KATNAL2: variants seen among roughly 807,000 people sequenced by gnomAD.
KATNAL2 encodes katanin catalytic subunit A1 like 2, also known as katanin p60 ATPase-containing subunit A-like 2.
Under a neutral mutation model 76.3 loss-of-function variants are expected in KATNAL2, and 52 were observed. The ratio of observed to expected loss-of-function variants is 0.68; its 90% CI spans 0.55 to 0.86. The LOEUF (loss-of-function observed/expected upper bound fraction) is 0.86, where lower values mean the gene tolerates loss of function less well. Ranked by LOEUF, KATNAL2 falls within the 40% of genes least tolerant of loss-of-function variation. The pLI is 0.00. For synonymous variants in KATNAL2, 243 were observed against 244.2 expected, an observed-to-expected ratio of 1.00 and a Z score of 0.05; for missense variants, 660 against 668.9, an observed-to-expected ratio of 0.99 and a Z score of 0.15.
Position 47,058,445 on chromosome 18 carries a change from T to G in KATNAL2, c.450+93T>G, listed in dbSNP as rs367973306. The G allele has an allele frequency of 5.4e-6, 4 of 737,208 alleles. No homozygotes were observed. The African/African-American group carries it at 7.1e-5, about 13-fold the overall frequency. The allele number at this position is 737,208 out of a possible 1,614,324, so 45.7% of individuals were successfully genotyped here. A position where few individuals can be genotyped will look rare whatever the true frequency, so the allele number is the denominator to read the frequency against. ...CACATTTATTTATTTTTTGAGGACC[T>G]ACGCTTTTAAAATTGCTGTGTGATC... On this transcript the variant is annotated intron_variant, in intron 7 of 17. Transcript: ENST00000683218.
intron 15 of KATNAL2, among the ~76,000 whole-genome samples, chr18:47,093,561 T>A (rs919451271): frequency 1.3e-5 from 2 of 152,096 alleles, no homozygotes; most frequent in African/African-American, 4.8e-5. Context: ...AGACAGGGCC[T>A]GGCTCTGTCA....
chr18:47,090,162 A>G (rs1174800285), intron 15 of KATNAL2, among the ~76,000 whole-genome samples: 1 of 151,986 alleles, frequency 6.6e-6, no homozygotes, highest in Admixed American at 6.6e-5. Context: ...GCTACAGTAC[A>G]GTGGCATGAT....
chr18:46,960,748 C>A (rs2059913264), intron 3 of KATNAL2, among the ~76,000 whole-genome samples: 1 of 152,142 alleles, frequency 6.6e-6, no homozygotes, highest in South Asian at 2.1e-4. Context: ...CAGGCACAGC[C>A]TAGAATAAAG....
intron 3 of KATNAL2, chr18:47,033,139 C>A (rs759800111): frequency 1.9e-6 from 3 of 1,613,936 alleles, no homozygotes; most frequent in Non-Finnish European, 2.5e-6. Flanking sequence ...GGGGTTGGCC[C>A]GCTTCTCAGG....
intron 15 of KATNAL2, among the ~76,000 whole-genome samples, chr18:47,092,178 T>C (rs2063029268): frequency 6.6e-6 from 1 of 152,088 alleles, no homozygotes; most frequent in South Asian, 2.1e-4. Context: ...TCCTAAAATA[T>C]AAATGTAATG....
chr18:47,067,855 A>G (rs1423095873), intron 11 of KATNAL2, among the ~76,000 whole-genome samples: 1 of 152,148 alleles, frequency 6.6e-6, no homozygotes, highest in Non-Finnish European at 1.5e-5. Context: ...TCCACGTGGT[A>G]TTCTTGGCTG....
intron 3 of KATNAL2, among the ~76,000 whole-genome samples, chr18:47,042,015 G>A (rs1034414222): frequency 1.3e-5 from 2 of 151,966 alleles, no homozygotes; most frequent in Middle Eastern, 3.4e-3. Context: ...TGAAGTGTCA[G>A]TTCATGTGTT....
intron 1 of KATNAL2, among the ~76,000 whole-genome samples, chr18:46,936,815 T>C (rs1402229932): frequency 1.3e-5 from 2 of 151,790 alleles, no homozygotes; most frequent in African/African-American, 4.8e-5. Context: ...ATTAGCCAAG[T>C]GTGGTGGCGG....
At chr18:46,947,636 A>C (rs1038303606) in intron 3 of KATNAL2, among the ~76,000 whole-genome samples, 7 of 152,194 alleles carry the variant, frequency 4.6e-5, no homozygotes, top group Non-Finnish European at 8.8e-5. Context: ...CCTGGATCTC[A>C]TTCCTAGAGG....
intron 4 of KATNAL2, among the ~76,000 whole-genome samples, chr18:47,051,014 T>C (rs2061325301): frequency 6.6e-6 from 1 of 152,226 alleles, no homozygotes; most frequent in South Asian, 2.1e-4. Context: ...CTTCTATTAA[T>C]AGTCCTCCAT....
At chr18:46,965,584 C>CCCG (rs2060098879) in intron 3 of KATNAL2, among the ~76,000 whole-genome samples, 3 of 86,290 alleles carry the variant, frequency 3.5e-5, no homozygotes, top group Admixed American at 9.7e-5. Flanking sequence ...CATCCCCGCC[C>CCCG]CCCCCCCCCC....
intron 1 of KATNAL2, among the ~76,000 whole-genome samples, chr18:46,935,201 C>A (rs891161095): frequency 3.3e-5 from 5 of 152,004 alleles, no homozygotes; most frequent in African/African-American, 1.2e-4. Context: ...GGTTTAAGAA[C>A]CCAGTGTATA....
chr18:46,930,497 T>G (rs1204770201), intron 1 of KATNAL2, among the ~76,000 whole-genome samples: 1 of 152,076 alleles, frequency 6.6e-6, no homozygotes, highest in Non-Finnish European at 1.5e-5. Context: ...TAGAGGGAAT[T>G]TATGTCCAGT....
chr18:47,095,803 A>G (rs1052778745), intron 15 of KATNAL2, among the ~76,000 whole-genome samples: 1 of 152,222 alleles, frequency 6.6e-6, no homozygotes, highest in Non-Finnish European at 1.5e-5. Context: ...CTGGCTGTAT[A>G]TTATTGCTGA....
At chr18:46,960,543 C>CA (rs2059907844) in intron 3 of KATNAL2, among the ~76,000 whole-genome samples, 1 of 151,776 alleles carries the variant, frequency 6.6e-6, no homozygotes, top group South Asian at 2.1e-4. Flanking sequence ...AGGAGCTATG[C>CA]AAAAAAAGAG....
At chr18:47,035,333 A>C (rs536214204) in intron 3 of KATNAL2, 276 of 1,606,042 alleles carry the variant, frequency 1.7e-4, no homozygotes, top group Middle Eastern at 9.0e-4. Context: ...GCGGGACAGG[A>C]AGTCTGGGGT....
chr18:46,921,876 AAT>A (rs1482927953), intron 1 of KATNAL2, among the ~76,000 whole-genome samples: 1 of 152,044 alleles, frequency 6.6e-6, no homozygotes, highest in Non-Finnish European at 1.5e-5. Flanking sequence ...TACTGATTTT[AAT>A]ATCTCTCTTT....
chr18:46,943,668 A>G (rs954725034), intron 1 of KATNAL2, among the ~76,000 whole-genome samples: 2 of 152,254 alleles, frequency 1.3e-5, no homozygotes, highest in African/African-American at 2.4e-5. Flanking sequence ...TGCCCTGCCT[A>G]TGGAGTAGCC....
intron 1 of KATNAL2, among the ~76,000 whole-genome samples, chr18:46,931,822 G>A (rs1459880330): frequency 6.6e-6 from 1 of 151,906 alleles, no homozygotes; most frequent in Non-Finnish European, 1.5e-5. Context: ...CAATAAAATA[G>A]AGACCAATAC....
Sources: gnomAD v4.1 joint callset for allele counts (sites outside exome capture counted in the v4.1 genomes callset) on GRCh38, gnomAD v4.1.1 for gene constraint, MANE v1.5 for transcripts, NCBI Gene and HGNC (gene_info 2026-07-23, HGNC 2026-07-21) for gene names.